Variants in SLC12A9 observed in about 807,000 individuals in gnomAD.
SLC12A9 encodes the protein solute carrier family 12 member 9.
A neutral mutation model predicts 66.0 loss-of-function variants in SLC12A9; 55 were observed. The ratio of observed to expected loss-of-function variants is 0.83; its 90% CI spans 0.67 to 1.04. The LOEUF (loss-of-function observed/expected upper bound fraction) is 1.04, where lower values mean the gene tolerates loss of function less well. Among genes scored for constraint, SLC12A9 ranks in the 50% least tolerant of loss-of-function variants. The probability of loss-of-function intolerance (pLI) is 0.00; values close to 1 mark genes in which losing one functional copy is unlikely to be tolerated. For synonymous variants in SLC12A9, 577 were observed against 569.0 expected (o/e 1.01, Z -0.20); for missense variants, 1,061 against 1,241.9 (o/e 0.85, Z 2.19).
intron 1 of SLC12A9, among the ~76,000 whole-genome samples, chr7:100,846,250 C>T (rs1813910571): frequency 6.6e-6 from 1 of 152,140 alleles, no homozygotes; most frequent in African/African-American, 2.4e-5. Context: ...TGTTTGCTAC[C>T]TGTACTTCTT....
chr7:100,832,105 C>A (rs1014106953), intron 1 of SLC12A9, among the ~76,000 whole-genome samples: 1 of 152,094 alleles, frequency 6.6e-6, no homozygotes, highest in African/African-American at 2.4e-5. Context: ...GAGGCTGAGG[C>A]AGGAGAATCA....
At chr7:100,863,086 G>A (rs1252753720) in intron 13 of SLC12A9, among the ~76,000 whole-genome samples, 3 of 144,524 alleles carry the variant, frequency 2.1e-5, no homozygotes, top group Non-Finnish European at 4.5e-5. Flanking sequence ...TTTTTGAGAC[G>A]GAGTCTCACT....
chr7:100,855,383 A>C (rs180826723), intron 3 of SLC12A9: 1 of 306,408 alleles, frequency 3.3e-6, no homozygotes, highest in African/African-American at 2.3e-5. Context: ...CAGCCTCCCA[A>C]AATGCTAGGA....
At position 100,864,022 on chromosome 7, in the gene SLC12A9, C is replaced by T. The variant is rs887132627; in HGVS notation, c.1858+1195C>T. Among the ~76,000 whole-genome samples the T allele has an allele frequency of 4.6e-5, 7 of 151,346 alleles. No homozygotes were observed. In the East Asian group the frequency reaches 1.2e-3, roughly 25 times the overall value. On this transcript the variant is annotated intron_variant, in intron 13 of 13. Coordinates refer to ENST00000354161, the MANE Select transcript of SLC12A9 (RefSeq NM_020246.4). ...CAGAGACCACAATGCTTATGAAATA[C>T]GAAATTTTTCCTGTGGAAGATATCA... is the stretch of plus-strand genomic sequence containing the variant.
At chr7:100,848,506 A>ATAAATAAG (rs575620351), upstream of SLC12A9, among the ~76,000 whole-genome samples, 804 of 150,470 alleles carry the variant, frequency 5.3e-3, 5 homozygotes, top group Non-Finnish European at 8.9e-3. Context: ...TCAAAAATAA[A>ATAAATAAG]TAAATAAATA....
At chr7:100,858,085 C>G (rs1814504671) in intron 5 of SLC12A9, 1 of 151,706 alleles carries the variant, frequency 6.6e-6, no homozygotes, top group Non-Finnish European at 1.5e-5. Flanking sequence ...CCACTGCCCT[C>G]CAGCCTGGGC....
intron 1 of SLC12A9, among the ~76,000 whole-genome samples, chr7:100,839,825 G>A (rs1401373412): frequency 2.0e-5 from 3 of 152,072 alleles, no homozygotes; most frequent in East Asian, 3.9e-4. Flanking sequence ...GGCGGATGAC[G>A]AGGTCAGGAG....
chr7:100,861,740 CGTAA>C lies in SLC12A9; in HGVS notation c.1544_1547del (p.Lys515IlefsTer12). The stretch of plus-strand genomic sequence containing the variant: ...ACTGCCTCACCCCTATACCCAGGTG[CGTAA>C]GTATCTGCTTCGGCTGGACGTCCGG... On this transcript the variant is annotated frameshift_variant, in exon 12 of 14. Coordinates refer to ENST00000354161, the MANE Select transcript of SLC12A9 (RefSeq NM_020246.4). LOFTEE classifies it high-confidence loss of function. The surrounding 1 kb of genome is among the most constrained non-coding windows in gnomAD (Gnocchi z 5.3). The C allele has an allele frequency of 6.2e-7, 1 of 1,614,142 alleles. No homozygotes were observed. Among genetic ancestry groups the C allele is most frequent in the Non-Finnish European group, 8.5e-7 (1 of 1,180,000 alleles).
intron 1 of SLC12A9, among the ~76,000 whole-genome samples, chr7:100,847,438 AG>A (rs1442597627): frequency 6.6e-6 from 1 of 152,168 alleles, no homozygotes; most frequent in Non-Finnish European, 1.5e-5. Flanking sequence ...GAATTATGAA[AG>A]GTGGCACCCA....
Position 100,858,910 on chromosome 7 carries a change from G to A in SLC12A9, c.833G>A (p.Cys278Tyr). The change falls in exon 6 of 14, where the codon TGT becomes TAT. Residue 278 changes from cysteine (C) to tyrosine (Y), a missense_variant. Transcript: ENST00000354161. ...ASVFAVLFNG[C>Y]TGIMAGANMS... ...GTCTTTGCTGTCCTCTTTAACGGCT[G>A]TACAGGCATCATGGCTGGGGCCAAC... 3 of 1,614,172 alleles carry A rather than the reference G, an allele frequency of 1.9e-6. No individual in the cohort carries two copies. Among genetic ancestry groups the A allele is most frequent in the East Asian group, 2.2e-5 (1 of 44,878 alleles).
chr7:100,856,511 T>G (rs1584695794), intron 4 of SLC12A9: 2 of 70,358 alleles, frequency 2.8e-5, no homozygotes, highest in Non-Finnish European at 3.6e-5. Flanking sequence ...CCCTGCCCCT[T>G]CTTCTTTTTT....
At chr7:100,847,200 A>G (rs1013575947) in intron 1 of SLC12A9, among the ~76,000 whole-genome samples, 7 of 152,252 alleles carry the variant, frequency 4.6e-5, no homozygotes, top group South Asian at 2.1e-4. Context: ...TGGAAATACA[A>G]TGTTGGCCAG....
In SLC12A9 at chr7:100,846,864, G is replaced by A. The variant is rs528437127; in HGVS notation, n.229-13021G>A. 5.6e-3 allele frequency among the ~76,000 whole-genome samples: 847 copies of A among 152,210 alleles called. 10 individuals are homozygous for A. Among genetic ancestry groups the A allele is most frequent in the Non-Finnish European group, 8.7e-3 (595 of 68,012 alleles). ...ACCCTAGGCCTAGTAGTTAAAGATC[G>A]ACCCCTGACCTAATCGGTTATGTTA... On this transcript the variant is annotated intron_variant and non_coding_transcript_variant, in intron 1 of 1. Coordinates refer to the SLC12A9 transcript ENST00000461016.
chr7:100,837,140 G>T (rs1813677222), intron 1 of SLC12A9, among the ~76,000 whole-genome samples: 1 of 152,066 alleles, frequency 6.6e-6, no homozygotes, highest in Non-Finnish European at 1.5e-5. Flanking sequence ...ATGGGGGCTC[G>T]CTATGTTGCC....
rs1263382299 is a variant in SLC12A9, at chr7:100,861,653, A to T, written c.1536+69A>T. The T allele has an allele frequency of 1.2e-6, 2 of 1,608,020 alleles. No homozygotes were observed. The highest frequency in any genetic ancestry group is 1.7e-6 in the Non-Finnish European group (2 of 1,175,376). ...AAGAACCCCCTCTCTCTTTGGCTGGAGTTGGTGCTCCCGTCCAGGAGGCGC... is the reference window on the plus strand; with the variant it reads ...AAGAACCCCCTCTCTCTTTGGCTGGTGTTGGTGCTCCCGTCCAGGAGGCGC... On this transcript the variant is annotated intron_variant, in intron 11 of 13. Coordinates refer to ENST00000354161, the MANE Select transcript of SLC12A9 (RefSeq NM_020246.4). This position sits in a 1 kb window ranked among gnomAD's most constrained non-coding sequence, Gnocchi z 5.3.
chr7:100,846,086 T>G (rs1056600179), intron 1 of SLC12A9, among the ~76,000 whole-genome samples: 2 of 152,132 alleles, frequency 1.3e-5, no homozygotes, highest in East Asian at 1.9e-4. Context: ...GTTGAAGACA[T>G]AGAGATATGA....
chr7:100,853,917 C>T (rs1292010177), intron 1 of SLC12A9, among the ~76,000 whole-genome samples: 2 of 152,058 alleles, frequency 1.3e-5, no homozygotes, highest in South Asian at 4.2e-4. Context: ...TTAGTAGAGA[C>T]GGGGTTTCAC....
In SLC12A9 at chr7:100,854,353, C is replaced by T. The variant is rs1423563241; in HGVS notation, c.156C>T (p.Phe52=). Residue 52 remains phenylalanine (F), a synonymous_variant, in exon 2 of 14, where the codon TTC becomes TTT. Coordinates refer to ENST00000354161, the MANE Select transcript of SLC12A9 (RefSeq NM_020246.4). ...GVVVPTVLSM[F]SIVVFLRIGF... ...TGGTGCCCACTGTCCTGTCCATGTTCAGCATAGTTGTTTTTCTGAGGATTG... is the reference window on the plus strand; with the variant it reads ...TGGTGCCCACTGTCCTGTCCATGTTTAGCATAGTTGTTTTTCTGAGGATTG... 1 of 1,613,364 alleles carries T rather than the reference C, an allele frequency of 6.2e-7. No individual in the cohort carries two copies. The highest frequency in any genetic ancestry group is 1.3e-5 in the African/African-American group (1 of 74,806).
At chr7:100,858,989 G>T (rs314374) in intron 6 of SLC12A9, 47 bp downstream of exon 6, 2 of 1,612,338 alleles carry the variant, frequency 1.2e-6, no homozygotes, top group African/African-American at 1.3e-5. Context: ...GGCTGCCACC[G>T]TGAGGGACCC....
Sources: gnomAD v4.1 joint callset for allele counts (sites outside exome capture counted in the v4.1 genomes callset) on GRCh38, gnomAD v4.1.1 for gene constraint, Gnocchi (gnomAD v3.1) non-coding constraint, MANE v1.5 for transcripts, NCBI Gene and HGNC (gene_info 2026-07-23, HGNC 2026-07-21) for gene names.